The following AP4S1 variants were observed in gnomAD, a reference collection of about 807,000 sequenced individuals.
AP4S1 encodes adaptor related protein complex 4 subunit sigma 1.
AP4S1 carries 23 observed loss-of-function variants against 19.8 expected under a neutral mutation model. That is an observed-to-expected ratio of 1.16 (90% confidence interval 0.84 to 1.65). The LOEUF (loss-of-function observed/expected upper bound fraction) is 1.65. AP4S1 is among the 40% of genes most tolerant of loss of function. The probability of loss-of-function intolerance (pLI) is 0.00; values close to 1 mark genes in which losing one functional copy is unlikely to be tolerated. For missense variants in AP4S1, 166 were observed against 172.8 expected, an observed-to-expected ratio of 0.96 and a Z score of 0.22; for synonymous variants, 46 against 54.1, an observed-to-expected ratio of 0.85 and a Z score of 0.66.
Position 31,093,465 on chromosome 14 carries a change from A to AT in AP4S1, c.*443dup, listed in dbSNP as rs34042875. 35,089 of 148,796 alleles carry AT rather than the reference A, an allele frequency of 0.24. 4,171 individuals carry two copies. The highest frequency in any genetic ancestry group is 0.29 in the Admixed American group (4,287 of 14,750). The allele number at this position is 148,796 out of a possible 1,614,324, so 9.2% of individuals were successfully genotyped here. ...TGAGTAACGCTGTTTTCTGAAAGCTATTTTTTTTTTTTTGAGACGGAGTCT... is the reference window on the plus strand; with the variant it reads ...TGAGTAACGCTGTTTTCTGAAAGCTATTTTTTTTTTTTTTGAGACGGAGTCT... On this transcript the variant is annotated 3_prime_UTR_variant, in exon 6 of 6. Coordinates refer to ENST00000542754, the MANE Select transcript of AP4S1 (RefSeq NM_001128126.3).
At chr14:31,066,003 G>T in intron 1 of AP4S1, 123 bp from the exon 2 acceptor site, 1 of 543,290 alleles carries the variant, frequency 1.8e-6, no homozygotes, top group Non-Finnish European at 3.2e-6. Flanking sequence ...TAGGAATAAA[G>T]ACTGATATTA....
intron 1 of AP4S1, among the ~76,000 whole-genome samples, chr14:31,045,702 A>T (rs1345763230): frequency 6.6e-6 from 1 of 152,188 alleles, no homozygotes; most frequent in African/African-American, 2.4e-5. Context: ...ATAATATGAA[A>T]TATATTTGGC....
rs1303277793 is a variant in AP4S1 at position 31,030,978 on chromosome 14, C to T, written c.-72+5191C>T. Among the ~76,000 whole-genome samples, 3 of 152,190 alleles carry T rather than the reference C, an allele frequency of 2.0e-5. No individual in the cohort carries two copies. The East Asian group carries it at 5.8e-4, about 29-fold the overall frequency. On this transcript the variant is annotated intron_variant, in intron 1 of 5. Coordinates refer to ENST00000542754, the MANE Select transcript of AP4S1 (RefSeq NM_001128126.3). ...CTCTGTGTTCCGACCCAAATCTCAT[C>T]TCCAATTGTAATCCCCACGTGTCAA...
At chr14:31,031,548 C>T (rs1349297568) in intron 1 of AP4S1, among the ~76,000 whole-genome samples, 1 of 152,178 alleles carries the variant, frequency 6.6e-6, no homozygotes, top group Non-Finnish European at 1.5e-5. Flanking sequence ...ACCAGAACTG[C>T]CCTGAGTTTT....
At chr14:31,046,845 CAAA>C (rs577536911) in intron 1 of AP4S1, among the ~76,000 whole-genome samples, 4 of 61,086 alleles carry the variant, frequency 6.5e-5, no homozygotes, top group African/African-American at 1.0e-4. Flanking sequence ...GACTCCGTCT[CAAA>C]AAAAAAAAAA....
At chr14:31,026,312 G>A in intron 1 of AP4S1, 4 of 1,038,984 alleles carry the variant, frequency 3.8e-6, no homozygotes, top group Non-Finnish European at 5.1e-6. Context: ...AGGGGTCGTT[G>A]CTGTGTGCCT....
intron 1 of AP4S1, among the ~76,000 whole-genome samples, chr14:31,032,071 C>CA (rs71905676): frequency 5.2e-3 from 569 of 110,404 alleles, no homozygotes; most frequent in Non-Finnish European, 7.3e-3. Flanking sequence ...GACCTTGTCC[C>CA]AAAAAAAAAA....
chr14:31,050,813 C>T (rs1173119331), intron 1 of AP4S1, among the ~76,000 whole-genome samples: 1 of 152,174 alleles, frequency 6.6e-6, no homozygotes, highest in African/African-American at 2.4e-5. Flanking sequence ...GGGCTCCCCT[C>T]CACGATACCA....
intron 5 of AP4S1, among the ~76,000 whole-genome samples, chr14:31,081,413 C>A (rs1455124969): frequency 6.6e-6 from 1 of 151,922 alleles, no homozygotes; most frequent in African/African-American, 2.4e-5. Context: ...TCCTTTTTGC[C>A]TTTTCTTCTG....
intron 1 of AP4S1, among the ~76,000 whole-genome samples, chr14:31,053,947 G>A (rs1003983583): frequency 6.6e-6 from 1 of 152,124 alleles, no homozygotes; most frequent in Non-Finnish European, 1.5e-5. Context: ...AAAAACATTG[G>A]ATATATCTTT....
At chr14:31,031,547 G>T (rs1484455571) in intron 1 of AP4S1, among the ~76,000 whole-genome samples, 1 of 152,164 alleles carries the variant, frequency 6.6e-6, no homozygotes, top group Non-Finnish European at 1.5e-5. Flanking sequence ...AACCAGAACT[G>T]CCCTGAGTTT....
chr14:31,039,220 C>G (rs111443723), intron 1 of AP4S1, among the ~76,000 whole-genome samples: 1,526 of 152,068 alleles, frequency 0.01, 21 homozygotes, highest in African/African-American at 0.035. Flanking sequence ...GAGTCTCGCT[C>G]TGTCGCCTAG....
chr14:31,086,727 G>A (rs1006212446), intron 5 of AP4S1, among the ~76,000 whole-genome samples: 1 of 152,076 alleles, frequency 6.6e-6, no homozygotes, highest in Non-Finnish European at 1.5e-5. Flanking sequence ...GGAATGGCTT[G>A]ATATTATCAG....
intron 4 of AP4S1, 124 bp downstream of exon 4, chr14:31,073,097 A>C: frequency 3.7e-6 from 3 of 814,622 alleles, no homozygotes; most frequent in Non-Finnish European, 6.2e-6. Flanking sequence ...GTTAAAACTT[A>C]AGTGATGCCA....
At chr14:31,084,901 C>T in intron 5 of AP4S1, 1 of 1,614,074 alleles carries the variant, frequency 6.2e-7, no homozygotes, top group South Asian at 1.1e-5. Flanking sequence ...GGGAGGGCAC[C>T]AATGAACAGC....
At chr14:31,083,120 A>G (rs1887739358) in intron 5 of AP4S1, among the ~76,000 whole-genome samples, 1 of 152,196 alleles carries the variant, frequency 6.6e-6, no homozygotes, top group Non-Finnish European at 1.5e-5. Flanking sequence ...GATGTTTAGT[A>G]GAAATAAAGA....
chr14:31,072,896 T>G lies in AP4S1; in HGVS notation c.226-9T>G. The stretch of plus-strand genomic sequence containing the variant: ...TAAAATTGATTGTACCTTTCTTCTT[T>G]TATTGTAGAACGAGATGGCTATTTA... On this transcript the variant is annotated splice_polypyrimidine_tract_variant and intron_variant, in intron 3 of 5. Coordinates refer to ENST00000542754, the MANE Select transcript of AP4S1 (RefSeq NM_001128126.3). 6.2e-7 allele frequency: 1 copy of G among 1,609,694 alleles called. No homozygotes were observed. Among genetic ancestry groups the G allele is most frequent in the East Asian group, 2.2e-5 (1 of 44,826 alleles).
chr14:31,065,700 G>A (rs1404309773), intron 1 of AP4S1, among the ~76,000 whole-genome samples: 9 of 151,780 alleles, frequency 5.9e-5, no homozygotes, highest in Non-Finnish European at 8.8e-5. Context: ...TTGCTCTGTT[G>A]CCCAGGCTGG....
chr14:31,046,580 T>G (rs1885417198), intron 1 of AP4S1, among the ~76,000 whole-genome samples: 1 of 152,172 alleles, frequency 6.6e-6, no homozygotes, highest in African/African-American at 2.4e-5. Flanking sequence ...GCACGGTAGC[T>G]CACGCCTGTT....
Sources: allele counts gnomAD v4.1 joint callset (sites outside exome capture counted in the v4.1 genomes callset), GRCh38; gene constraint gnomAD v4.1.1; transcripts MANE v1.5; gene names NCBI Gene and HGNC (gene_info 2026-07-23, HGNC 2026-07-21).